The following ZNF516 variants were observed in gnomAD, a reference collection of about 807,000 sequenced individuals.
The protein encoded by ZNF516 is zinc finger protein 516.
A neutral mutation model predicts 79.7 loss-of-function variants in ZNF516; 19 were observed. The ratio of observed to expected loss-of-function variants is 0.24; its 90% CI spans 0.17 to 0.35. ZNF516 has a LOEUF of 0.35. Ranked by LOEUF, ZNF516 falls within the 10% of genes least tolerant of loss-of-function variation. The probability of loss-of-function intolerance (pLI) is 1.00; values close to 1 mark genes in which losing one functional copy is unlikely to be tolerated. For synonymous variants in ZNF516, 877 were observed against 739.5 expected, an observed-to-expected ratio of 1.19 and a Z score of -3.02; for missense variants, 1,678 against 1,679.5, an observed-to-expected ratio of 1.00 and a Z score of 0.02.
chr18:76,391,850 C>T (rs565744055), intron 3 of ZNF516, among the ~76,000 whole-genome samples: 2 of 152,356 alleles, frequency 1.3e-5, no homozygotes, highest in African/African-American at 4.8e-5. Context: ...TCAGCCTCGC[C>T]CTGAAGGCCG....
chr18:76,367,644 G>A lies in ZNF516; in HGVS notation c.3432+2884C>T, dbSNP rs766381929. ...TCCGCCCCTCCATAGTCTTCCAAGCGCCTCCAGCCTCAATGACAGGGCCCT... is the reference window on the plus strand; with the variant it reads ...TCCGCCCCTCCATAGTCTTCCAAGCACCTCCAGCCTCAATGACAGGGCCCT... On this transcript the variant is annotated intron_variant, in intron 6 of 6. Coordinates refer to ENST00000443185, the MANE Select transcript of ZNF516 (RefSeq NM_014643.4). 3.0e-3 allele frequency among the ~76,000 whole-genome samples: 454 copies of A among 152,110 alleles called. 10 individuals are homozygous for A. The highest frequency in any genetic ancestry group is 1.7e-3 in the South Asian group (8 of 4,820).
At chr18:76,454,508 G>A (rs1199306478) in intron 2 of ZNF516, among the ~76,000 whole-genome samples, 1 of 152,122 alleles carries the variant, frequency 6.6e-6, no homozygotes, top group Non-Finnish European at 1.5e-5. Flanking sequence ...CTCCATTACT[G>A]CCAATAACGA....
At chr18:76,425,678 C>T (rs1450762932) in intron 3 of ZNF516, among the ~76,000 whole-genome samples, 3 of 152,204 alleles carry the variant, frequency 2.0e-5, no homozygotes, top group African/African-American at 4.8e-5. Flanking sequence ...CCTAATGCCC[C>T]GTGGTCGGAG....
chr18:76,408,893 C>T (rs1453618681), intron 3 of ZNF516, among the ~76,000 whole-genome samples: 2 of 152,240 alleles, frequency 1.3e-5, no homozygotes, highest in African/African-American at 4.8e-5. Context: ...GGGCTCAGGA[C>T]ACTGACGAGA....
chr18:76,385,295 G>A (rs555506911), intron 3 of ZNF516, among the ~76,000 whole-genome samples: 2 of 152,350 alleles, frequency 1.3e-5, no homozygotes, highest in African/African-American at 2.4e-5. Context: ...CCTGGCTGGT[G>A]CCGCACACCG....
chr18:76,457,945 G>A (rs1912829947), intron 2 of ZNF516, among the ~76,000 whole-genome samples: 1 of 152,188 alleles, frequency 6.6e-6, no homozygotes, highest in Non-Finnish European at 1.5e-5. Context: ...TACTTCTGCA[G>A]AGATAAGCTT....
chr18:76,495,369 C>T (rs1230508644), upstream of ZNF516, among the ~76,000 whole-genome samples: 2 of 145,808 alleles, frequency 1.4e-5, no homozygotes, highest in Non-Finnish European at 3.0e-5. Context: ...GCGGGGGCCC[C>T]GGCGCGAGCC....
chr18:76,420,527 A>G (rs1188547916), intron 3 of ZNF516, among the ~76,000 whole-genome samples: 1 of 152,166 alleles, frequency 6.6e-6, no homozygotes, highest in East Asian at 1.9e-4. Flanking sequence ...TCTCAGGACT[A>G]TTTGTATGTG....
At chr18:76,457,373 C>T (rs17355430) in intron 2 of ZNF516, among the ~76,000 whole-genome samples, 10,108 of 152,240 alleles carry the variant, frequency 0.066, 341 homozygotes, top group African/African-American at 0.088. Context: ...AGGGAAACTA[C>T]GTTAACTAAA....
chr18:76,489,787 G>C (rs1250737516), intron 1 of ZNF516, among the ~76,000 whole-genome samples: 1 of 152,044 alleles, frequency 6.6e-6, no homozygotes, highest in Admixed American at 6.6e-5. Flanking sequence ...TGTATTTCAG[G>C]ATATTAAGCC....
At chr18:76,418,505 A>G (rs1444097162) in intron 3 of ZNF516, among the ~76,000 whole-genome samples, 4 of 152,118 alleles carry the variant, frequency 2.6e-5, no homozygotes, top group Admixed American at 6.5e-5. Flanking sequence ...ACGCTGTAAC[A>G]CGCACTGTAA....
intron 1 of ZNF516, among the ~76,000 whole-genome samples, chr18:76,486,029 G>A (rs1914813753): frequency 6.6e-6 from 1 of 152,002 alleles, no homozygotes; most frequent in Admixed American, 6.6e-5. Context: ...AGCCTTATTT[G>A]TGACCCCCAG....
intron 1 of ZNF516, among the ~76,000 whole-genome samples, chr18:76,480,407 G>A (rs143248177): frequency 9.9e-5 from 15 of 152,004 alleles, no homozygotes; most frequent in African/African-American, 3.1e-4. Context: ...ACAGGCCCGC[G>A]GGCCAAACTC....
At chr18:76,438,720 A>C (rs2075777577) in intron 3 of ZNF516, among the ~76,000 whole-genome samples, 1 of 152,230 alleles carries the variant, frequency 6.6e-6, no homozygotes, top group Non-Finnish European at 1.5e-5. Flanking sequence ...ACTTAATCTA[A>C]TAATGCAAAT....
intron 1 of ZNF516, among the ~76,000 whole-genome samples, chr18:76,471,120 GAAGAAAC>G (rs1456923531): frequency 1.3e-5 from 2 of 152,026 alleles, no homozygotes; most frequent in Admixed American, 6.5e-5. Context: ...CTGTTGGGCA[GAAGAAAC>G]AAGAAACACA....
chr18:76,453,929 AAC>A (rs1014858893), intron 2 of ZNF516, among the ~76,000 whole-genome samples: 9 of 152,340 alleles, frequency 5.9e-5, no homozygotes, highest in East Asian at 1.9e-4. Flanking sequence ...TCGCCTCCCA[AAC>A]ACACAGTCCT....
chr18:76,450,115 T>C (rs1421103105), intron 2 of ZNF516, among the ~76,000 whole-genome samples: 1 of 136,950 alleles, frequency 7.3e-6, no homozygotes, highest in Non-Finnish European at 1.5e-5. Context: ...GAGTTGGTTT[T>C]TACCAAAGAG....
chr18:76,472,991 G>A (rs914927456), intron 1 of ZNF516, among the ~76,000 whole-genome samples: 1 of 152,190 alleles, frequency 6.6e-6, no homozygotes, highest in African/African-American at 2.4e-5. Context: ...GAAAGAAGAG[G>A]AAGGTAATAG....
intron 3 of ZNF516, among the ~76,000 whole-genome samples, chr18:76,413,911 A>G (rs1161049459): frequency 6.6e-6 from 1 of 152,236 alleles, no homozygotes; most frequent in Non-Finnish European, 1.5e-5. Flanking sequence ...GGTTTCGTTA[A>G]ATGTTTTTTC....
Sources: gnomAD v4.1 joint callset for allele counts (sites outside exome capture counted in the v4.1 genomes callset) on GRCh38, gnomAD v4.1.1 for gene constraint, MANE v1.5 for transcripts, NCBI Gene and HGNC (gene_info 2026-07-23, HGNC 2026-07-21) for gene names.